The following MTHFD1 variants were observed in gnomAD, a reference collection of about 807,000 sequenced individuals.
The protein encoded by MTHFD1 is methylenetetrahydrofolate dehydrogenase, cyclohydrolase and formyltetrahydrofolate synthetase 1.
A neutral mutation model predicts 110.3 loss-of-function variants in MTHFD1; 44 were observed. That is an observed-to-expected ratio of 0.40 (90% CI 0.31 to 0.51). The LOEUF is 0.51. Among genes scored for constraint, MTHFD1 ranks in the 20% least tolerant of loss-of-function variants. The pLI is 0.60. For synonymous variants in MTHFD1, 402 were observed against 428.8 expected (o/e 0.94, Z 0.77); for missense variants, 909 against 1,173.1 (o/e 0.77, Z 3.29).
At chr14:64,419,316 A>T (rs2078051682) in intron 7 of MTHFD1, 1 of 221,972 alleles carries the variant, frequency 4.5e-6, no homozygotes, top group African/African-American at 2.3e-5. Context: ...TAGTCTGCTA[A>T]TAGCTATGGC....
chr14:64,408,017 C>A (rs1427386651), intron 2 of MTHFD1, among the ~76,000 whole-genome samples: 5 of 94,424 alleles, frequency 5.3e-5, no homozygotes, highest in African/African-American at 2.8e-4. Context: ...TAGACCAATA[C>A]CCAAGATATC....
chr14:64,395,881 A>G (rs2077844629), intron 1 of MTHFD1, among the ~76,000 whole-genome samples: 1 of 152,196 alleles, frequency 6.6e-6, no homozygotes, highest in Admixed American at 6.6e-5. Flanking sequence ...GTGTGGATTA[A>G]TGATGGACTT....
chr14:64,421,667 A>G (rs1285818504), intron 8 of MTHFD1, among the ~76,000 whole-genome samples: 1 of 148,990 alleles, frequency 6.7e-6, no homozygotes, highest in African/African-American at 2.5e-5. Flanking sequence ...TCTGTTGCCC[A>G]GGCTGGAGTG....
chr14:64,398,353 C>T (rs2077873261), intron 1 of MTHFD1, among the ~76,000 whole-genome samples: 1 of 152,070 alleles, frequency 6.6e-6, no homozygotes, highest in Non-Finnish European at 1.5e-5. Flanking sequence ...CAAGATCAGC[C>T]TGGGCAACAT....
chr14:64,444,578 C>G, intron 21 of MTHFD1, 115 bp from the exon 22 acceptor site: 1 of 1,139,582 alleles, frequency 8.8e-7, no homozygotes, highest in South Asian at 1.2e-5. Flanking sequence ...TAATCTTATA[C>G]TACTGTACAG....
At chr14:64,410,787 A>G (rs888454729) in intron 2 of MTHFD1, among the ~76,000 whole-genome samples, 1 of 151,938 alleles carries the variant, frequency 6.6e-6, no homozygotes. Flanking sequence ...GAAATCCCAC[A>G]TGTTTCTAGT....
chr14:64,445,044 G>A, intron 22 of MTHFD1: 1 of 398,612 alleles, frequency 2.5e-6, no homozygotes, highest in Non-Finnish European at 4.8e-6. Flanking sequence ...TATTACAACT[G>A]GAGGTGGGGA....
chr14:64,418,578 T>C (rs768848727), intron 7 of MTHFD1, among the ~76,000 whole-genome samples: 20 of 152,178 alleles, frequency 1.3e-4, no homozygotes, highest in Non-Finnish European at 2.6e-4. Context: ...TTTTTTGAGA[T>C]GGAGTTTCAC....
intron 2 of MTHFD1, among the ~76,000 whole-genome samples, chr14:64,406,627 G>C (rs536081210): frequency 6.6e-6 from 1 of 151,542 alleles, no homozygotes; most frequent in South Asian, 2.1e-4. Flanking sequence ...TGAGTAGCTG[G>C]GACTACAGGC....
In MTHFD1 at chr14:64,421,399, G is replaced by A. The variant is rs575670565; in HGVS notation, c.727+1474G>A. Reference sequence around the variant, plus strand: ...CCCATCTCAAGTTTCAGATGTAGACGCTGAGCTGCCAGGAACATTAGTCAC... The same window carrying A: ...CCCATCTCAAGTTTCAGATGTAGACACTGAGCTGCCAGGAACATTAGTCAC... On this transcript the variant is annotated intron_variant, in intron 8 of 27. Transcript: ENST00000652337. Among the ~76,000 whole-genome samples, 22 of 152,182 alleles carry A rather than the reference G, an allele frequency of 1.4e-4. No homozygotes were observed. The East Asian group carries it at 2.9e-3, about 20-fold the overall frequency.
chr14:64,436,912 G>A (rs1189860200), intron 16 of MTHFD1, among the ~76,000 whole-genome samples: 1 of 152,112 alleles, frequency 6.6e-6, no homozygotes, highest in African/African-American at 2.4e-5. Flanking sequence ...ATTTTTTACA[G>A]AAATATTAGT....
rs1462034970 is a variant in MTHFD1 at position 64,439,109 on chromosome 14, T to C, written c.1611T>C (p.Asn537=). Residue 537 remains asparagine, a synonymous_variant, in exon 17 of 28, where the codon AAT becomes AAC. Coordinates refer to ENST00000652337, the MANE Select transcript of MTHFD1 (RefSeq NM_005956.4). ...TITWQRVLDT[N]DRFLRKITIG... ...TGTCTGCTGTAGTGTTGGATACCAA[T>C]GATAGATTCCTGAGGAAGATCACGA... The C allele has an allele frequency of 6.2e-7, 1 of 1,613,898 alleles. No homozygotes were observed. The highest frequency in any genetic ancestry group is 8.5e-7 in the Non-Finnish European group (1 of 1,179,744).
chr14:64,411,995 GA>G (rs1468075798), intron 3 of MTHFD1, among the ~76,000 whole-genome samples: 1 of 152,164 alleles, frequency 6.6e-6, no homozygotes, highest in East Asian at 1.9e-4. Flanking sequence ...TTGGGCAGGG[GA>G]AAAATCAGAT....
chr14:64,422,457 A>G (rs1393335974), intron 8 of MTHFD1, among the ~76,000 whole-genome samples: 1 of 152,196 alleles, frequency 6.6e-6, no homozygotes, highest in Non-Finnish European at 1.5e-5. Context: ...CAAAGAAGTA[A>G]TATTTTTAAA....
rs60999669 is a variant in MTHFD1, at chr14:64,408,928, G to A, written c.127-2162G>A. On this transcript the variant is annotated intron_variant, in intron 2 of 27. Transcript: ENST00000652337. The stretch of plus-strand genomic sequence containing the variant: ...CATGCTACTGTACTCTAGGCTGGGT[G>A]GCAGAGTAAGACCCTGTCTCAAAAA... Among the ~76,000 whole-genome samples, 1,048 of 152,150 alleles carry A rather than the reference G, an allele frequency of 6.9e-3. 13 individuals are homozygous for A. Among genetic ancestry groups the A allele is most frequent in the African/African-American group, 0.023 (967 of 41,488 alleles).
intron 2 of MTHFD1, among the ~76,000 whole-genome samples, chr14:64,408,164 G>A (rs2140950964): frequency 6.6e-6 from 1 of 151,960 alleles, no homozygotes; most frequent in South Asian, 2.1e-4. Flanking sequence ...TACACCGTCT[G>A]CCCCTCTACA....
At position 64,441,420 on chromosome 14, in the gene MTHFD1, C is replaced by A; in HGVS notation, c.1851C>A (p.Asp617Glu). The A allele has an allele frequency of 6.2e-7, 1 of 1,614,004 alleles. No homozygotes were observed. The highest frequency in any genetic ancestry group is 8.5e-7 in the Non-Finnish European group (1 of 1,179,948). ...VSGALTVLMK[D>E]AIKPNLMQTL... ...GTGCACTGACAGTGCTTATGAAGGACGCAATCAAGCCCAATCTCATGCAGA... is the reference window on the plus strand; with the variant it reads ...GTGCACTGACAGTGCTTATGAAGGAAGCAATCAAGCCCAATCTCATGCAGA... The change falls in exon 19 of 28, where the codon GAC becomes GAA. Residue 617 changes from aspartate (D) to glutamate (E), a missense_variant. Asp to Glu is a conservative substitution (Grantham distance 45, BLOSUM62 2). Around this residue, in one of 3 missense-constraint regions of MTHFD1, gnomAD observed 482 missense variants for 646.0 expected, o/e 0.75. Transcript: ENST00000652337.
In MTHFD1 at chr14:64,459,914, C is replaced by A; in HGVS notation, c.*160C>A. ...GAGTTTCCCCAGAAGTCATTTTCAG[C>A]CTTAATTCTCATCATGTATAAATTA... is the stretch of plus-strand genomic sequence containing the variant. On this transcript the variant is annotated 3_prime_UTR_variant, in exon 28 of 28. Transcript: ENST00000652337. 1 of 1,535,596 alleles carries A rather than the reference C, an allele frequency of 6.5e-7. No homozygotes were observed. The highest frequency in any genetic ancestry group is 8.7e-7 in the Non-Finnish European group (1 of 1,146,538).
chr14:64,445,122 C>A (rs2140977988), intron 22 of MTHFD1: 1 of 334,786 alleles, frequency 3.0e-6, no homozygotes, highest in South Asian at 2.5e-5. Flanking sequence ...CACAGGACAG[C>A]CCCTACAACA....
Sources: gnomAD v4.1 joint callset for allele counts (sites outside exome capture counted in the v4.1 genomes callset) on GRCh38, gnomAD v4.1.1 for gene constraint, gnomAD v4.1.1 regional missense constraint, MANE v1.5 for transcripts, NCBI Gene and HGNC (gene_info 2026-07-23, HGNC 2026-07-21) for gene names.